The following TRABD2B variants were observed in gnomAD, a reference collection of about 807,000 sequenced individuals.
TRABD2B encodes TraB domain containing 2B.
In TRABD2B, 14 loss-of-function variants were observed where a neutral mutation model predicts 40.1. The ratio of observed to expected loss-of-function variants is 0.35; its 90% CI spans 0.23 to 0.55. The LOEUF is 0.55. Among genes scored for constraint, TRABD2B ranks in the 20% least tolerant of loss-of-function variants. The probability of loss-of-function intolerance (pLI) is 0.90; values close to 1 mark genes in which losing one functional copy is unlikely to be tolerated. For missense variants in TRABD2B, 541 were observed against 648.6 expected (o/e 0.83, Z 1.80); for synonymous variants, 263 against 277.0 (o/e 0.95, Z 0.50).
At chr1:47,943,954 G>A (rs1007317386) in intron 2 of TRABD2B, among the ~76,000 whole-genome samples, 1 of 152,148 alleles carries the variant, frequency 6.6e-6, no homozygotes, top group African/African-American at 2.4e-5. Context: ...AATCAATGCT[G>A]ACAATAGTCA....
chr1:47,814,678 T>C (rs992973487), intron 2 of TRABD2B, among the ~76,000 whole-genome samples: 3 of 152,108 alleles, frequency 2.0e-5, no homozygotes, highest in East Asian at 1.9e-4. Flanking sequence ...GAGGGAGCGG[T>C]TGGACAAATG....
At chr1:47,934,005 T>C (rs1003913871) in intron 2 of TRABD2B, among the ~76,000 whole-genome samples, 7 of 152,336 alleles carry the variant, frequency 4.6e-5, no homozygotes, top group Non-Finnish European at 8.8e-5. Flanking sequence ...GGTTGTTTTA[T>C]TGGACAGCAC....
In TRABD2B at chr1:47,994,138, G is replaced by A; in HGVS notation, c.562C>T (p.Leu188Phe). ...TTCTCAGCCTGCTGGGCCAGGTAGA[G>A]GTCGAGCACGGGCACACCACGGAAG... ...VRFRGVPVLD[L>F]YLAQQAEKMK... Residue 188 changes from leucine to phenylalanine, a missense_variant, in exon 2 of 7, where the codon CTC (leucine) becomes TTC (phenylalanine). By Grantham distance (22) the Leu-to-Phe change is conservative (BLOSUM62 0). Around this residue, in one of 2 missense-constraint regions of TRABD2B, gnomAD observed 369 missense variants for 492.8 expected, o/e 0.75. Coordinates refer to ENST00000606738, the MANE Select transcript of TRABD2B (RefSeq NM_001194986.2). This position sits in a 1 kb window ranked among gnomAD's most constrained non-coding sequence, Gnocchi z 6.7. 1 of 1,536,340 alleles carries A rather than the reference G, an allele frequency of 6.5e-7. No individual in the cohort carries two copies. Among genetic ancestry groups the A allele is most frequent in the South Asian group, 1.2e-5 (1 of 84,068 alleles).
intron 2 of TRABD2B, among the ~76,000 whole-genome samples, chr1:47,810,880 G>C (rs532549392): frequency 2.0e-5 from 3 of 152,228 alleles, no homozygotes; most frequent in African/African-American, 7.2e-5. Context: ...GAGAAGGGTG[G>C]GCGGAGGTAA....
intron 2 of TRABD2B, among the ~76,000 whole-genome samples, chr1:47,844,246 A>G (rs1645437693): frequency 6.6e-6 from 1 of 152,190 alleles, no homozygotes; most frequent in South Asian, 2.1e-4. Flanking sequence ...CCACCCTTTG[A>G]ATAGGCCTTT....
chr1:47,849,571 G>C (rs190865895), intron 2 of TRABD2B, among the ~76,000 whole-genome samples: 7 of 152,346 alleles, frequency 4.6e-5, no homozygotes, highest in Admixed American at 3.9e-4. Flanking sequence ...CCTACTGTGA[G>C]TGGGCACCTC....
At chr1:47,953,894 T>C (rs762553730) in intron 2 of TRABD2B, among the ~76,000 whole-genome samples, 2 of 152,188 alleles carry the variant, frequency 1.3e-5, no homozygotes, top group East Asian at 3.9e-4. Context: ...GCCTCCCTCA[T>C]AGCTGTTCAC....
chr1:47,928,959 A>G (rs911931287), intron 2 of TRABD2B, among the ~76,000 whole-genome samples: 3 of 152,144 alleles, frequency 2.0e-5, no homozygotes, highest in African/African-American at 7.2e-5. Flanking sequence ...AAGACTATCT[A>G]CCTCTCAGCC....
intron 2 of TRABD2B, among the ~76,000 whole-genome samples, chr1:47,823,704 G>C (rs895367352): frequency 1.3e-5 from 2 of 152,200 alleles, no homozygotes; most frequent in Non-Finnish European, 2.9e-5. Flanking sequence ...GGAAGGCAGA[G>C]ACTTTGTTAC....
At chr1:47,835,947 C>G (rs1645312789) in intron 2 of TRABD2B, among the ~76,000 whole-genome samples, 1 of 152,148 alleles carries the variant, frequency 6.6e-6, no homozygotes, top group Non-Finnish European at 1.5e-5. Context: ...TTTCCACTGT[C>G]TGATTTAAAA....
At chr1:47,795,296 G>A (rs1644733447) in intron 3 of TRABD2B, among the ~76,000 whole-genome samples, 1 of 152,244 alleles carries the variant, frequency 6.6e-6, no homozygotes, top group African/African-American at 2.4e-5. Context: ...GCCAGGATAA[G>A]GCCTAGCTTC....
At chr1:47,770,956 C>G (rs1644370142) in intron 6 of TRABD2B, among the ~76,000 whole-genome samples, 2 of 152,228 alleles carry the variant, frequency 1.3e-5, no homozygotes, top group African/African-American at 4.8e-5. Flanking sequence ...CACATAATCT[C>G]TAAGCCTCAA....
chr1:47,915,528 GAGTAA>G (rs1334996905), intron 2 of TRABD2B, among the ~76,000 whole-genome samples: 4 of 152,182 alleles, frequency 2.6e-5, no homozygotes, highest in East Asian at 1.9e-4. Flanking sequence ...TTTTACAGAT[GAGTAA>G]AGTAAAGTTC....
At chr1:47,886,538 C>T (rs1323738432) in intron 2 of TRABD2B, among the ~76,000 whole-genome samples, 3 of 152,198 alleles carry the variant, frequency 2.0e-5, no homozygotes, top group Non-Finnish European at 4.4e-5. Context: ...TTATAAACCA[C>T]TCCCTGAATT....
At chr1:47,882,337 C>T (rs890131827) in intron 2 of TRABD2B, among the ~76,000 whole-genome samples, 2 of 152,202 alleles carry the variant, frequency 1.3e-5, no homozygotes, top group Non-Finnish European at 2.9e-5. Flanking sequence ...GCATCACCCC[C>T]AGGATCTGCC....
chr1:47,816,469 A>G (rs996983919), intron 2 of TRABD2B, among the ~76,000 whole-genome samples: 3 of 152,134 alleles, frequency 2.0e-5, no homozygotes, highest in Admixed American at 1.3e-4. Flanking sequence ...TACTGCCTTC[A>G]TGTGCCGCCC....
At chr1:47,918,203 A>C (rs983906630) in intron 2 of TRABD2B, among the ~76,000 whole-genome samples, 2 of 152,184 alleles carry the variant, frequency 1.3e-5, no homozygotes, top group Non-Finnish European at 2.9e-5. Context: ...GCAAGGGTTC[A>C]CCTGTCTGTC....
Position 47,994,222 on chromosome 1 carries a change from G to A in TRABD2B, c.478C>T (p.Arg160Cys), listed in dbSNP as rs770058867. ...AGCATCACCCAGACGGGCCTCTTGC[G>A]CTCCCAGTTGCCCGCGATGGCATTG... ...LFNAIAGNWE[R>C]KRPVWVMLMV... The change falls in exon 2 of 7, where the codon CGC becomes TGC. Residue 160 changes from arginine to cysteine, a missense_variant. Physicochemically the swap from Arg to Cys is radical, Grantham distance 180 (BLOSUM62 -3). Transcript: ENST00000606738. The surrounding 1 kb of genome is among the most constrained non-coding windows in gnomAD (Gnocchi z 6.7). 5.8e-6 allele frequency: 9 copies of A among 1,546,250 alleles called. No individual in the cohort carries two copies. Among genetic ancestry groups the A allele is most frequent in the Middle Eastern group, 1.7e-4 (1 of 6,026 alleles).
chr1:47,958,637 G>A (rs1474236744), intron 2 of TRABD2B, among the ~76,000 whole-genome samples: 2 of 151,790 alleles, frequency 1.3e-5, no homozygotes, highest in African/African-American at 4.8e-5. Context: ...ATGGTAAAGG[G>A]ATCAATTCAA....
Sources: gnomAD v4.1 joint callset for allele counts (sites outside exome capture counted in the v4.1 genomes callset) on GRCh38, gnomAD v4.1.1 for gene constraint, gnomAD v4.1.1 regional missense constraint, Gnocchi (gnomAD v3.1) non-coding constraint, MANE v1.5 for transcripts, NCBI Gene and HGNC (gene_info 2026-07-23, HGNC 2026-07-21) for gene names.